The following KCNH1 variants were observed in gnomAD, a reference collection of about 807,000 sequenced individuals.
The protein encoded by KCNH1 is voltage-gated delayed rectifier potassium channel KCNH1.
A neutral mutation model predicts 69.2 loss-of-function variants in KCNH1; 27 were observed. The observed-to-expected ratio is 0.39, with a 90% CI of 0.29 to 0.54. The LOEUF is 0.54. Ranked by LOEUF, KCNH1 falls within the 20% of genes least tolerant of loss-of-function variation. KCNH1 has a pLI of 0.68. For synonymous variants in KCNH1, 456 were observed against 487.7 expected, an observed-to-expected ratio of 0.93 and a Z score of 0.86; for missense variants, 798 against 1,261.6, an observed-to-expected ratio of 0.63 and a Z score of 5.57.
At chr1:211,067,635 T>C (rs1690556192) in intron 5 of KCNH1, among the ~76,000 whole-genome samples, 1 of 152,198 alleles carries the variant, frequency 6.6e-6, no homozygotes, top group Non-Finnish European at 1.5e-5. Context: ...ATAAGGTATT[T>C]TTAAGATCAG....
At chr1:210,932,596 A>G (rs1005740794) in intron 6 of KCNH1, among the ~76,000 whole-genome samples, 16 of 152,114 alleles carry the variant, frequency 1.1e-4, no homozygotes, top group African/African-American at 3.9e-4. Flanking sequence ...AGACCCAACT[A>G]CATGCTACCT....
chr1:210,834,707 T>C (rs1685245687), intron 7 of KCNH1, among the ~76,000 whole-genome samples: 1 of 150,222 alleles, frequency 6.7e-6, no homozygotes, highest in Non-Finnish European at 1.5e-5. Flanking sequence ...AAAGAACTCC[T>C]AATCCCCACT....
Position 210,965,396 on chromosome 1 carries a change from A to T in KCNH1, c.1033-45327T>A, listed in dbSNP as rs541895714. The stretch of plus-strand genomic sequence containing the variant: ...TCTCCTTAAGCTGATAAGCAACTTC[A>T]GCAGTCTCATGGTAAAAAAAATCAG... On this transcript the variant is annotated intron_variant, in intron 6 of 10. Coordinates refer to ENST00000271751, the MANE Select transcript of KCNH1 (RefSeq NM_172362.3). 9.9e-5 allele frequency among the ~76,000 whole-genome samples: 15 copies of T among 152,280 alleles called. No individual in the cohort carries two copies. The South Asian group carries it at 3.1e-3, about 32-fold the overall frequency.
At chr1:211,106,351 C>T (rs889046523) in intron 2 of KCNH1, among the ~76,000 whole-genome samples, 25 of 152,342 alleles carry the variant, frequency 1.6e-4, no homozygotes, top group Admixed American at 6.5e-4. Context: ...CCCAAGGACA[C>T]TGCTTGGTTA....
At chr1:210,852,684 C>T (rs896539293) in intron 7 of KCNH1, among the ~76,000 whole-genome samples, 12 of 152,242 alleles carry the variant, frequency 7.9e-5, no homozygotes, top group Middle Eastern at 6.8e-3. Context: ...TAGGCAAACG[C>T]GCTTGGCCCA....
intron 10 of KCNH1, among the ~76,000 whole-genome samples, chr1:210,773,799 T>C (rs569783684): frequency 1.3e-5 from 2 of 152,344 alleles, no homozygotes; most frequent in African/African-American, 4.8e-5. Flanking sequence ...TGTGTTAATC[T>C]TTTCCATTAG....
intron 7 of KCNH1, among the ~76,000 whole-genome samples, chr1:210,892,668 T>G (rs1304345828): frequency 6.6e-6 from 1 of 152,058 alleles, no homozygotes; most frequent in East Asian, 1.9e-4. Flanking sequence ...ATGGCAAAAA[T>G]GGACCCCAAA....
chr1:211,133,939 T>C lies in KCNH1; in HGVS notation c.7A>G (p.Met3Val), dbSNP rs371752631. MTMAGGRRGLVAP... is the reference protein window; with the variant it reads MTVAGGRRGLVAP... ...ACTAGTCCCCTCCTGCCCCCAGCCA[T>C]GGTCATCCTCCCAGCAGCTCGGGGT... The change falls in exon 1 of 11, where the codon ATG (methionine) becomes GTG (valine). Residue 3 changes from methionine (M) to valine (V), a missense_variant. By Grantham distance (21) the Met-to-Val change is conservative. Coordinates refer to ENST00000271751, the MANE Select transcript of KCNH1 (RefSeq NM_172362.3). This position sits in a 1 kb window ranked among gnomAD's most constrained non-coding sequence, Gnocchi z 5.4. 2.5e-6 allele frequency: 4 copies of C among 1,608,696 alleles called. No individual in the cohort carries two copies. Among genetic ancestry groups the C allele is most frequent in the Non-Finnish European group, 3.4e-6 (4 of 1,177,704 alleles).
chr1:211,101,982 A>G (rs972588348), intron 3 of KCNH1, among the ~76,000 whole-genome samples: 15 of 152,280 alleles, frequency 9.9e-5, no homozygotes, highest in African/African-American at 3.1e-4. Context: ...AGCCTACCAC[A>G]ACCTTCAGGG....
intron 7 of KCNH1, among the ~76,000 whole-genome samples, chr1:210,880,884 A>T (rs1413397466): frequency 1.3e-5 from 2 of 152,196 alleles, no homozygotes; most frequent in Non-Finnish European, 2.9e-5. Flanking sequence ...CAAAAATAAA[A>T]ATAAAATCTG....
At chr1:210,901,172 C>T (rs1017332958) in intron 7 of KCNH1, among the ~76,000 whole-genome samples, 1 of 152,094 alleles carries the variant, frequency 6.6e-6, no homozygotes, top group Non-Finnish European at 1.5e-5. Context: ...GGCACCTCTA[C>T]CCCCACTTCC....
chr1:211,011,218 A>C (rs1332689211), intron 6 of KCNH1, among the ~76,000 whole-genome samples: 2 of 152,174 alleles, frequency 1.3e-5, no homozygotes, highest in Non-Finnish European at 2.9e-5. Flanking sequence ...ATGAGTGAGA[A>C]CATGCAGTGT....
chr1:210,753,670 A>G (rs898018895), intron 10 of KCNH1, among the ~76,000 whole-genome samples: 3 of 152,200 alleles, frequency 2.0e-5, no homozygotes, highest in African/African-American at 4.8e-5. Flanking sequence ...TGTAAACACC[A>G]TAAAAGGTCC....
intron 10 of KCNH1, among the ~76,000 whole-genome samples, chr1:210,755,134 G>A (rs1683370428): frequency 6.6e-6 from 1 of 152,090 alleles, no homozygotes; most frequent in East Asian, 1.9e-4. Flanking sequence ...CAGTGGCAGA[G>A]AGGGAAGTAG....
intron 6 of KCNH1, among the ~76,000 whole-genome samples, chr1:210,942,765 G>A (rs930326653): frequency 2.7e-5 from 4 of 149,776 alleles, no homozygotes; most frequent in African/African-American, 9.9e-5. Flanking sequence ...ACCTGATAAG[G>A]TTATTAAAAA....
chr1:211,115,729 A>ATATATATATATATG (rs1691565376), intron 1 of KCNH1, among the ~76,000 whole-genome samples: 1 of 77,992 alleles, frequency 1.3e-5, no homozygotes, highest in Non-Finnish European at 2.3e-5. Flanking sequence ...ATATATATAT[A>ATATATATATATATG]TACACACACA....
At chr1:210,810,989 A>G (rs538382437) in intron 7 of KCNH1, among the ~76,000 whole-genome samples, 2 of 152,276 alleles carry the variant, frequency 1.3e-5, no homozygotes, top group East Asian at 3.9e-4. Flanking sequence ...GATGCTACCA[A>G]CTTTAGGACT....
intron 6 of KCNH1, among the ~76,000 whole-genome samples, chr1:210,940,964 T>C (rs1687865636): frequency 6.6e-6 from 1 of 152,224 alleles, no homozygotes. Flanking sequence ...AAGATGACAG[T>C]ATGTCAGGGT....
intron 10 of KCNH1, among the ~76,000 whole-genome samples, chr1:210,764,144 T>C (rs1251777397): frequency 6.6e-6 from 1 of 152,018 alleles, no homozygotes; most frequent in African/African-American, 2.4e-5. Context: ...CAATAAATGA[T>C]ACGAGAAAAT....
Sources: gnomAD v4.1 joint callset for allele counts (sites outside exome capture counted in the v4.1 genomes callset) on GRCh38, gnomAD v4.1.1 for gene constraint, Gnocchi (gnomAD v3.1) non-coding constraint, MANE v1.5 for transcripts, NCBI Gene and HGNC (gene_info 2026-07-23, HGNC 2026-07-21) for gene names.